BBOX1: variants seen among roughly 807,000 people sequenced by gnomAD.
BBOX1 encodes gamma-butyrobetaine dioxygenase.
Under a neutral mutation model 41.6 loss-of-function variants are expected in BBOX1, and 35 were observed. The ratio of observed to expected loss-of-function variants is 0.84; its 90% confidence interval spans 0.64 to 1.11. The LOEUF is 1.11. Among genes scored for constraint, BBOX1 ranks in the 50% most tolerant of loss-of-function variants. BBOX1 has a pLI of 0.00. For missense variants in BBOX1, 458 were observed against 460.6 expected (o/e 0.99, Z 0.05); for synonymous variants, 163 against 154.7 (o/e 1.05, Z -0.40).
chr11:27,101,771 C>T (rs932669754), intron 5 of BBOX1, among the ~76,000 whole-genome samples: 3 of 152,082 alleles, frequency 2.0e-5, no homozygotes, highest in African/African-American at 7.2e-5. Flanking sequence ...CAGTGTACAA[C>T]ATGACATTTT....
At chr11:27,042,827 G>A (rs1379987091) in intron 2 of BBOX1, among the ~76,000 whole-genome samples, 1 of 152,104 alleles carries the variant, frequency 6.6e-6, no homozygotes, top group Non-Finnish European at 1.5e-5. Context: ...GTACTCAAAT[G>A]ATGTCAAACT....
chr11:27,106,040 C>T (rs992077442), intron 5 of BBOX1, among the ~76,000 whole-genome samples: 1 of 152,086 alleles, frequency 6.6e-6, no homozygotes, highest in Non-Finnish European at 1.5e-5. Flanking sequence ...CAAGCAAATG[C>T]TGAGAGATTT....
intron 4 of BBOX1, among the ~76,000 whole-genome samples, chr11:27,073,717 G>C (rs1329521985): frequency 4.6e-5 from 7 of 152,086 alleles, no homozygotes; most frequent in African/African-American, 1.7e-4. Flanking sequence ...ATACACCATG[G>C]AATACTATGC....
intron 4 of BBOX1, among the ~76,000 whole-genome samples, chr11:27,077,815 A>T (rs1937667369): frequency 6.6e-6 from 1 of 151,934 alleles, no homozygotes; most frequent in African/African-American, 2.4e-5. Flanking sequence ...GATTATATAG[A>T]TTGTCTCTCT....
intron 4 of BBOX1, among the ~76,000 whole-genome samples, chr11:27,063,427 G>A (rs1003330259): frequency 2.0e-5 from 3 of 152,022 alleles, no homozygotes; most frequent in African/African-American, 7.2e-5. Flanking sequence ...ATATACATAT[G>A]AAGCTAAATA....
chr11:27,065,472 T>C (rs1857254742), intron 4 of BBOX1, among the ~76,000 whole-genome samples: 1 of 152,146 alleles, frequency 6.6e-6, no homozygotes, highest in South Asian at 2.1e-4. Flanking sequence ...CTATGCAAGA[T>C]GGGGCTGCCC....
At chr11:27,059,816 G>C (rs913932279) in intron 4 of BBOX1, among the ~76,000 whole-genome samples, 1 of 152,084 alleles carries the variant, frequency 6.6e-6, no homozygotes, top group Non-Finnish European at 1.5e-5. Flanking sequence ...CCTTTCTTTT[G>C]GTTGATTTCT....
intron 2 of BBOX1, among the ~76,000 whole-genome samples, chr11:27,049,796 A>AT (rs1479147356): frequency 6.6e-6 from 1 of 152,022 alleles, no homozygotes; most frequent in Non-Finnish European, 1.5e-5. Context: ...ATTTTCTCTC[A>AT]TTTTTTAGGC....
chr11:27,104,812 C>T (rs895260394), intron 5 of BBOX1, among the ~76,000 whole-genome samples: 1 of 152,268 alleles, frequency 6.6e-6, no homozygotes, highest in Middle Eastern at 3.4e-3. Flanking sequence ...GTCCCTGACC[C>T]CTGAGTAGCC....
chr11:27,075,640 C>T (rs1857607447), intron 4 of BBOX1, among the ~76,000 whole-genome samples: 2 of 152,192 alleles, frequency 1.3e-5, no homozygotes, highest in African/African-American at 4.8e-5. Flanking sequence ...TCAAATCAGA[C>T]AGGCATCTCT....
chr11:27,086,459 G>A (rs973486927), intron 4 of BBOX1, among the ~76,000 whole-genome samples: 1 of 152,066 alleles, frequency 6.6e-6, no homozygotes, highest in South Asian at 2.1e-4. Context: ...ATGACCATAC[G>A]TCTATTTACA....
intron 2 of BBOX1, among the ~76,000 whole-genome samples, chr11:27,046,918 A>ATGTTG (rs10684089): frequency 6.7e-5 from 10 of 148,638 alleles, no homozygotes; most frequent in Non-Finnish European, 1.4e-4. Flanking sequence ...ATGATCTGCA[A>ATGTTG]TTTTTTTTTT....
At chr11:27,113,392 T>G (rs969118023) in intron 5 of BBOX1, among the ~76,000 whole-genome samples, 8 of 151,856 alleles carry the variant, frequency 5.3e-5, no homozygotes, top group Non-Finnish European at 5.9e-5. Flanking sequence ...AGCAAAGACA[T>G]AGAATCAACC....
intron 2 of BBOX1, among the ~76,000 whole-genome samples, chr11:27,042,473 C>T (rs925617971): frequency 6.6e-6 from 1 of 152,116 alleles, no homozygotes; most frequent in Non-Finnish European, 1.5e-5. Flanking sequence ...CTGTCTTAAC[C>T]TCCCAAGTAA....
rs150426701 is a variant in BBOX1, at chr11:27,119,794, T to G, written c.785T>G (p.Ile262Ser). ...TCTACCTTTGTGGACTTTACAGACATTGGAGTGGATTACTGTGATTTTTCT... is the reference window on the plus strand; with the variant it reads ...TCTACCTTTGTGGACTTTACAGACAGTGGAGTGGATTACTGTGATTTTTCT... ...LSSTFVDFTD[I>S]GVDYCDFSVQ... The change falls in exon 7 of 9, where the codon ATT becomes AGT. Residue 262 changes from isoleucine to serine, a missense_variant. Coordinates refer to ENST00000263182, the MANE Select transcript of BBOX1 (RefSeq NM_003986.3). 6.3e-7 allele frequency: 1 copy of G among 1,591,034 alleles called. No individual in the cohort carries two copies.
intron 4 of BBOX1, among the ~76,000 whole-genome samples, chr11:27,080,672 C>T (rs1402724639): frequency 6.6e-6 from 1 of 152,052 alleles, no homozygotes; most frequent in Non-Finnish European, 1.5e-5. Flanking sequence ...GTGGTGGTAG[C>T]ACTGTATGGA....
At chr11:27,098,612 A>T (rs1039157569) in intron 5 of BBOX1, among the ~76,000 whole-genome samples, 1 of 152,084 alleles carries the variant, frequency 6.6e-6, no homozygotes, top group Non-Finnish European at 1.5e-5. Flanking sequence ...CTGGTAAGAT[A>T]ATATTGAGAA....
Position 27,069,023 on chromosome 11 carries a change from C to CT in BBOX1, c.334+11717dup, listed in dbSNP as rs796259546. On this transcript the variant is annotated intron_variant, in intron 4 of 8. Coordinates refer to ENST00000263182, the MANE Select transcript of BBOX1 (RefSeq NM_003986.3). ...TTCAGATGATGCATTCAGATTTGCTCTTTTTTTTTAGGATTGCTTTGGCTA... is the reference window on the plus strand; with the variant it reads ...TTCAGATGATGCATTCAGATTTGCTCTTTTTTTTTTAGGATTGCTTTGGCTA... Among the ~76,000 whole-genome samples the CT allele has an allele frequency of 2.0e-3, 300 of 150,090 alleles. 3 individuals are homozygous for CT. Among genetic ancestry groups the CT allele is most frequent in the African/African-American group, 6.9e-3 (282 of 40,934 alleles).
intron 4 of BBOX1, among the ~76,000 whole-genome samples, chr11:27,070,782 T>C (rs996040705): frequency 2.0e-5 from 3 of 151,668 alleles, no homozygotes; most frequent in Non-Finnish European, 2.9e-5. Context: ...TTACATTCAA[T>C]GTTCATGTCG....
Sources: gnomAD v4.1 joint callset for allele counts (sites outside exome capture counted in the v4.1 genomes callset) on GRCh38, gnomAD v4.1.1 for gene constraint, MANE v1.5 for transcripts, NCBI Gene and HGNC (gene_info 2026-07-23, HGNC 2026-07-21) for gene names.